Variants in ABR observed in about 807,000 individuals in gnomAD.
ABR encodes active breakpoint cluster region-related protein.
In ABR, 35 loss-of-function variants were observed where a neutral mutation model predicts 107.2. That is an observed-to-expected ratio of 0.33 (90% CI 0.25 to 0.43). The LOEUF (loss-of-function observed/expected upper bound fraction) is 0.43. Among genes scored for constraint, ABR ranks in the 20% least tolerant of loss-of-function variants. The pLI, the probability that ABR is intolerant of heterozygous loss-of-function variation, is 1.00. For missense variants in ABR, 815 were observed against 1,115.2 expected, an observed-to-expected ratio of 0.73 and a Z score of 3.83; for synonymous variants, 498 against 462.0, an observed-to-expected ratio of 1.08 and a Z score of -1.00.
intron 6 of ABR, 41 bp from the exon 7 acceptor site, chr17:1,073,718 A>C: frequency 6.4e-7 from 1 of 1,556,714 alleles, no homozygotes; most frequent in Non-Finnish European, 8.7e-7. Flanking sequence ...AGGATGATGG[A>C]CGAGGGCAAC....
rs571029187 is a variant in ABR, at chr17:1,134,051, G to A, written c.62-8684C>T. ...TCCCAGCAATTTGGGAGGCCAAGGC[G>A]GGCAGATCACCTGAGGTCAGGAGTT... On this transcript the variant is annotated intron_variant, in intron 1 of 22. Coordinates refer to ENST00000302538, the MANE Select transcript of ABR (RefSeq NM_021962.5). Among the ~76,000 whole-genome samples, 7 of 152,278 alleles carry A rather than the reference G, an allele frequency of 4.6e-5. No homozygotes were observed. The South Asian group carries it at 1.5e-3, about 32-fold the overall frequency.
chr17:1,208,266 A>G (rs182980850), intron 1 of ABR, among the ~76,000 whole-genome samples: 1 of 152,286 alleles, frequency 6.6e-6, no homozygotes, highest in African/African-American at 2.4e-5. Context: ...CAACTGACAC[A>G]CAGGAGGCAG....
At chr17:1,014,372 C>T (rs1475339989) in intron 16 of ABR, among the ~76,000 whole-genome samples, 2 of 132,330 alleles carry the variant, frequency 1.5e-5, no homozygotes, top group African/African-American at 5.7e-5. Flanking sequence ...ACCCGGGAGG[C>T]AGAGCTTGCA....
intron 16 of ABR, among the ~76,000 whole-genome samples, chr17:1,023,181 C>CGCCTCTGCCGGCCCCACGTCCACTCCAGA (rs1567594892): frequency 6.0e-5 from 9 of 149,556 alleles, no homozygotes; most frequent in African/African-American, 2.3e-4. Context: ...TCCACTCCAG[C>CGCCTCTGCCGGCCCCACGTCCACTCCAGA]GCCTCTGCCG....
At chr17:1,046,371 T>C (rs192725609) in intron 16 of ABR, among the ~76,000 whole-genome samples, 6 of 121,200 alleles carry the variant, frequency 5.0e-5, no homozygotes, top group Admixed American at 3.0e-4. Flanking sequence ...CTCCCGACCT[T>C]GTAATCCGCC....
Position 1,150,189 on chromosome 17 carries a change from G to A in ABR, c.62-24822C>T, listed in dbSNP as rs754623240. ...GCTGAGATTACAGACGTGAGCCACC[G>A]CGCCCGGCCTGTGTCAGAATTTTTT... On this transcript the variant is annotated intron_variant, in intron 1 of 22. Transcript: ENST00000302538. This position sits in a 1 kb window ranked among gnomAD's most constrained non-coding sequence, Gnocchi z 4.8. 1.8e-4 allele frequency among the ~76,000 whole-genome samples: 28 copies of A among 151,720 alleles called. No homozygotes were observed. The highest frequency in any genetic ancestry group is 6.6e-5 in the Admixed American group (1 of 15,170).
Position 1,093,034 on chromosome 17 carries a change from G to C in ABR, c.346-1184C>G, listed in dbSNP as rs562985487. 1.6e-4 allele frequency among the ~76,000 whole-genome samples: 25 copies of C among 151,978 alleles called. 1 individual carries two copies. In the South Asian group the frequency reaches 5.2e-3, roughly 32 times the overall value. ...GACGGGGTTTCACTGTGTTAGCCAG[G>C]ATGGTCTTGATCTCCTGACCTCGTG... On this transcript the variant is annotated intron_variant, in intron 3 of 22. Coordinates refer to ENST00000302538, the MANE Select transcript of ABR (RefSeq NM_021962.5).
Position 1,217,119 on chromosome 17 carries a change from T to C in ABR, c.838+11674A>G, listed in dbSNP as rs528058012. On this transcript the variant is annotated intron_variant, in intron 1 of 22. Transcript: ENST00000574139. ...GGGCTCTGGATTCCTCAAGATGCTTTAAAATAAAACGGAAAGGCGCAATTA... is the reference window on the plus strand; with the variant it reads ...GGGCTCTGGATTCCTCAAGATGCTTCAAAATAAAACGGAAAGGCGCAATTA... Among the ~76,000 whole-genome samples the C allele has an allele frequency of 5.6e-4, 85 of 152,196 alleles. 1 individual carries two copies. In the South Asian group the frequency reaches 0.017, roughly 30 times the overall value.
At chr17:1,006,778 C>T (rs2241929) in intron 22 of ABR, among the ~76,000 whole-genome samples, 52,474 of 126,420 alleles carry the variant, frequency 0.42, 8,137 homozygotes, top group Non-Finnish European at 0.44. Context: ...AGGGTACCTG[C>T]GCCATGACGT....
intron 1 of ABR, among the ~76,000 whole-genome samples, chr17:1,126,900 C>T (rs771724303): frequency 7.2e-5 from 11 of 152,216 alleles, no homozygotes; most frequent in Non-Finnish European, 1.3e-4. Context: ...AGGATCGCAC[C>T]GTCTGTCTCA....
At position 1,177,745 on chromosome 17, in the gene ABR, C is replaced by T. The variant is rs138651266; in HGVS notation, c.61+1922G>A. On this transcript the variant is annotated intron_variant, in intron 1 of 22. Coordinates refer to ENST00000302538, the MANE Select transcript of ABR (RefSeq NM_021962.5). ...AGAAACACTCAGGAACATAAGCACG[C>T]GTGAATCTGAGGCATTGTTATGACG... Among the ~76,000 whole-genome samples, 35 of 152,318 alleles carry T rather than the reference C, an allele frequency of 2.3e-4. 1 individual carries two copies. Among genetic ancestry groups the T allele is most frequent in the East Asian group, 3.9e-4 (2 of 5,182 alleles).
intron 1 of ABR, among the ~76,000 whole-genome samples, chr17:1,143,426 A>G (rs375192310): frequency 2.8e-5 from 1 of 35,916 alleles, no homozygotes; most frequent in Non-Finnish European, 5.0e-5. Context: ...CTCCTGGGGG[A>G]CAGCTCATTC....
chr17:1,064,089 C>T (rs1236312044), intron 10 of ABR, among the ~76,000 whole-genome samples: 2 of 130,020 alleles, frequency 1.5e-5, no homozygotes, highest in African/African-American at 6.1e-5. Context: ...GAACTGAGGG[C>T]TATACATGTT....
intron 14 of ABR, chr17:1,055,780 G>A: frequency 2.3e-6 from 1 of 436,414 alleles, no homozygotes; most frequent in East Asian, 3.5e-5. Context: ...GCCCGCCTGG[G>A]CCTCCCAAAG....
rs112341351 is a variant in ABR at position 1,071,747 on chromosome 17, G to T, written c.894+867C>A. Among the ~76,000 whole-genome samples, 1 of 152,262 alleles carries T rather than the reference G, an allele frequency of 6.6e-6. No homozygotes were observed. On this transcript the variant is annotated intron_variant, in intron 8 of 22. Coordinates refer to ENST00000302538, the MANE Select transcript of ABR (RefSeq NM_021962.5). This position sits in a 1 kb window ranked among gnomAD's most constrained non-coding sequence, Gnocchi z 5.1. ...ACGGCATCACACTGGCCAGAGGCAG[G>T]TGTCTGCATTCAAGAATGAGGCACC... is the stretch of plus-strand genomic sequence containing the variant.
At chr17:1,047,168 AG>A (rs2031749580) in intron 16 of ABR, among the ~76,000 whole-genome samples, 1 of 152,224 alleles carries the variant, frequency 6.6e-6, no homozygotes, top group African/African-American at 2.4e-5. Flanking sequence ...CCTTTCCTAC[AG>A]GCCCCCTGAA....
Position 1,050,496 on chromosome 17 carries a change from G to A in ABR, c.1659+41C>T, listed in dbSNP as rs2032348553. ...CCAGCAGACAAGCCACGAGCACGGG[G>A]TGGTGGGGTCCCCACAGAGATGCCA... On this transcript the variant is annotated intron_variant, in intron 15 of 22. Transcript: ENST00000302538. The surrounding 1 kb of genome is among the most constrained non-coding windows in gnomAD (Gnocchi z 4.6). 6.4e-7 allele frequency: 1 copy of A among 1,566,052 alleles called. No homozygotes were observed. Among genetic ancestry groups the A allele is most frequent in the Admixed American group, 1.7e-5 (1 of 59,938 alleles).
Position 1,125,187 on chromosome 17 carries a change from G to A in ABR, c.242C>T (p.Pro81Leu). ...AAGAAAAGCCGGTGTACCTACCCCA[G>A]GAGCCAGTCCCTCAGGTGGAGTCGG... The part of the protein sequence containing the change: ...VSPTPPEGLA[P>L]GVEAGKGLEM... Residue 81 changes from proline (P) to leucine (L), a missense_variant, in exon 2 of 23, where the codon CCT becomes CTT. By Grantham distance (98) the Pro-to-Leu change is moderately conservative. Coordinates refer to ENST00000302538, the MANE Select transcript of ABR (RefSeq NM_021962.5). 1.3e-6 allele frequency: 2 copies of A among 1,580,198 alleles called. No homozygotes were observed. Among genetic ancestry groups the A allele is most frequent in the East Asian group, 2.3e-5 (1 of 44,272 alleles).
At chr17:1,026,925 G>T (rs937480477) in intron 16 of ABR, among the ~76,000 whole-genome samples, 1 of 142,490 alleles carries the variant, frequency 7.0e-6, no homozygotes, top group African/African-American at 2.6e-5. Context: ...GCTTGGGGGC[G>T]CTTCCAAAAT....
Sources: gnomAD v4.1 joint callset for allele counts (sites outside exome capture counted in the v4.1 genomes callset) on GRCh38, gnomAD v4.1.1 for gene constraint, Gnocchi (gnomAD v3.1) non-coding constraint, MANE v1.5 for transcripts, NCBI Gene and HGNC (gene_info 2026-07-23, HGNC 2026-07-21) for gene names.